The following SHROOM2 variants were observed in gnomAD, a reference collection of about 807,000 sequenced individuals.
SHROOM2 encodes the protein protein Shroom2.
SHROOM2 carries 33 observed loss-of-function variants against 75.9 expected under a neutral mutation model. The observed-to-expected ratio is 0.43, with a 90% CI of 0.33 to 0.58. The LOEUF (loss-of-function observed/expected upper bound fraction) is 0.58. Ranked by LOEUF, SHROOM2 falls within the 20% of genes least tolerant of loss-of-function variation. The pLI, the probability that SHROOM2 is intolerant of heterozygous loss-of-function variation, is 0.04. For missense variants in SHROOM2, 1,434 were observed against 1,461.2 expected (o/e 0.98, Z 0.30); for synonymous variants, 655 against 663.6 (o/e 0.99, Z 0.20).
chrX:9,813,700 C>T (rs1410412676), intron 1 of SHROOM2, among the ~76,000 whole-genome samples: 1 of 111,718 alleles, frequency 9.0e-6, no homozygotes, highest in East Asian at 2.8e-4. Flanking sequence ...TTTGTCCATT[C>T]GACCCAGAAG....
At chrX:9,806,981 C>T (rs1362292426) in intron 1 of SHROOM2, among the ~76,000 whole-genome samples, 1 of 112,207 alleles carries the variant, frequency 8.9e-6, no homozygotes. Context: ...GCATTGGCCT[C>T]CCAAAGTGCT....
intron 1 of SHROOM2, among the ~76,000 whole-genome samples, chrX:9,810,531 C>CT (rs778939996): frequency 9.0e-5 from 10 of 111,133 alleles, no homozygotes; most frequent in Non-Finnish European, 1.9e-4. Flanking sequence ...GCAATCTGAA[C>CT]TTCCAGTTTA....
intron 1 of SHROOM2, among the ~76,000 whole-genome samples, chrX:9,826,284 C>A (rs1478022025): frequency 8.9e-6 from 1 of 112,518 alleles, no homozygotes; most frequent in Admixed American, 9.4e-5. Flanking sequence ...TCATGCATAA[C>A]CTGGCCTCCA....
At chrX:9,884,368 C>CTTTTTTTTTTTTTTTTTTTT (rs1181815816) in intron 2 of SHROOM2, among the ~76,000 whole-genome samples, 2 of 62,287 alleles carry the variant, frequency 3.2e-5, no homozygotes, top group Non-Finnish European at 6.2e-5. Flanking sequence ...TTTTTCTTTT[C>CTTTTTTTTTTTTTTTTTTTT]TTTTTTTTTT....
intron 1 of SHROOM2, among the ~76,000 whole-genome samples, 195 bp from the exon 2 acceptor site, chrX:9,873,457 A>T (rs983036308): frequency 1.8e-5 from 2 of 111,562 alleles, no homozygotes; most frequent in South Asian, 3.8e-4. Context: ...CCCTGGATAA[A>T]CAGGAGTCGT....
In SHROOM2 at chrX:9,920,122, C is replaced by T. The variant is rs780126274; in HGVS notation, c.2892-12053C>T. Reference sequence around the variant, plus strand: ...TCTCAAATCACTACAACTCATCAGACATCTCAACTCGCTACAACTCATCAG... The same window carrying T: ...TCTCAAATCACTACAACTCATCAGATATCTCAACTCGCTACAACTCATCAG... On this transcript the variant is annotated intron_variant, in intron 5 of 9. Transcript: ENST00000380913. Among the ~76,000 whole-genome samples, 9 of 111,190 alleles carry T rather than the reference C, an allele frequency of 8.1e-5. No individual in the cohort carries two copies. The East Asian group carries it at 2.6e-3, about 32-fold the overall frequency.
chrX:9,857,719 T>C (rs1040496238), intron 1 of SHROOM2, among the ~76,000 whole-genome samples: 5 of 111,177 alleles, frequency 4.5e-5, no homozygotes, highest in African/African-American at 1.6e-4. Context: ...AGCAAAAAGA[T>C]TGTGAACATT....
intron 6 of SHROOM2, among the ~76,000 whole-genome samples, chrX:9,936,690 AC>A (rs1333317619): frequency 9.0e-6 from 1 of 111,586 alleles, no homozygotes; most frequent in East Asian, 2.8e-4. Context: ...CTACGCAGGA[AC>A]CCGCGGGCCT....
intron 1 of SHROOM2, among the ~76,000 whole-genome samples, chrX:9,861,855 CT>C (rs1176404465): frequency 9.0e-6 from 1 of 111,442 alleles, no homozygotes; most frequent in Non-Finnish European, 1.9e-5. Context: ...CCCCCACCCT[CT>C]GATGTGATTA....
intron 1 of SHROOM2, among the ~76,000 whole-genome samples, chrX:9,809,955 C>T (rs1467052996): frequency 1.8e-5 from 2 of 112,524 alleles, no homozygotes; most frequent in Non-Finnish European, 3.8e-5. Flanking sequence ...GGATTACAGG[C>T]GTGAGTCACT....
chrX:9,895,942 C>A lies in SHROOM2; in HGVS notation c.2034C>A (p.Gly678=). 8.4e-7 allele frequency: 1 copy of A among 1,195,472 alleles called. No individual in the cohort carries two copies. Among genetic ancestry groups the A allele is most frequent in the Non-Finnish European group, 1.1e-6 (1 of 887,681 alleles). The part of the protein sequence containing the change: ...GGGTQEGPLA[G]TYKDHLKEAQ... ...GCACCCAGGAAGGACCCCTCGCTGGCACCTATAAAGACCACCTGAAAGAGG... is the reference window on the plus strand; with the variant it reads ...GCACCCAGGAAGGACCCCTCGCTGGAACCTATAAAGACCACCTGAAAGAGG... The change falls in exon 4 of 10, where the codon GGC becomes GGA. Residue 678 remains glycine, a synonymous_variant. Transcript: ENST00000380913.
intron 1 of SHROOM2, among the ~76,000 whole-genome samples, chrX:9,833,596 C>T (rs1266511845): frequency 1.1e-5 from 1 of 92,387 alleles, no homozygotes; most frequent in Non-Finnish European, 2.1e-5. Context: ...TGAAGAGACA[C>T]ACAAGTAGAC....
chrX:9,832,760 G>A (rs1415085063), intron 1 of SHROOM2, among the ~76,000 whole-genome samples: 1 of 108,476 alleles, frequency 9.2e-6, no homozygotes, highest in Non-Finnish European at 1.9e-5. Flanking sequence ...GGGGGCGGGT[G>A]CACCTCACTC....
intron 5 of SHROOM2, among the ~76,000 whole-genome samples, chrX:9,919,350 T>TTTTTTTG (rs59320588): frequency 1.4e-5 from 1 of 73,579 alleles, no homozygotes; most frequent in African/African-American, 4.3e-5. Flanking sequence ...TTTTTTTTTT[T>TTTTTTTG]GAGATGAAGT....
chrX:9,814,827 G>A (rs190636538), intron 1 of SHROOM2, among the ~76,000 whole-genome samples: 2 of 111,630 alleles, frequency 1.8e-5, no homozygotes, highest in African/African-American at 3.3e-5. Flanking sequence ...TATTCTTTTC[G>A]AATCAATGCC....
At chrX:9,868,727 CTTTTTTTTTTT>C (rs56343437) in intron 1 of SHROOM2, among the ~76,000 whole-genome samples, 18 of 28,716 alleles carry the variant, frequency 6.3e-4, no homozygotes, top group African/African-American at 2.6e-3. Flanking sequence ...ATTTTTTACC[CTTTTTTTTTTT>C]TTTTTTTTTT....
At chrX:9,928,255 CTG>C (rs1176830937) in intron 5 of SHROOM2, among the ~76,000 whole-genome samples, 2 of 112,423 alleles carry the variant, frequency 1.8e-5, no homozygotes, top group Non-Finnish European at 3.8e-5. Context: ...CCTCTGGGAA[CTG>C]TGCAAGCAGC....
chrX:9,873,678 G>A lies in SHROOM2; in HGVS notation c.192G>A (p.Ala64=), dbSNP rs139542964. Residue 64 remains alanine (A), a synonymous_variant, in exon 2 of 10, where the codon GCG becomes GCA. Coordinates refer to ENST00000380913, the MANE Select transcript of SHROOM2 (RefSeq NM_001649.4). ...TKIEEGSKAA[A]VDKLLAGDEI... ...TTGAAGAGGGCAGTAAAGCCGCGGC[G>A]GTCGACAAGTTACTGGCTGGAGATG... 16 of 1,210,269 alleles carry A rather than the reference G, an allele frequency of 1.3e-5. No homozygotes were observed. The highest frequency in any genetic ancestry group is 8.7e-5 in the Admixed American group (4 of 45,780).
chrX:9,875,372 C>T (rs760758885), intron 2 of SHROOM2, among the ~76,000 whole-genome samples: 57 of 110,566 alleles, frequency 5.2e-4, no homozygotes, highest in African/African-American at 1.8e-3. Context: ...AGTGGAATGC[C>T]GGTGGTGGTG....
Sources: allele counts gnomAD v4.1 joint callset (sites outside exome capture counted in the v4.1 genomes callset), GRCh38; gene constraint gnomAD v4.1.1; transcripts MANE v1.5; gene names NCBI Gene and HGNC (gene_info 2026-07-23, HGNC 2026-07-21).